Variants in GRIP1 observed in about 807,000 individuals in gnomAD.
The protein encoded by GRIP1 is glutamate receptor-interacting protein 1.
In GRIP1, 45 loss-of-function variants were observed where a neutral mutation model predicts 129.9. That is an observed-to-expected ratio of 0.35 (90% CI 0.27 to 0.44). The LOEUF is 0.44. Ranked by LOEUF, GRIP1 falls within the 20% of genes least tolerant of loss-of-function variation. GRIP1 has a pLI of 1.00. For synonymous variants in GRIP1, 530 were observed against 520.8 expected (o/e 1.02, Z -0.24); for missense variants, 1,196 against 1,396.8 (o/e 0.86, Z 2.29).
intron 16 of GRIP1, among the ~76,000 whole-genome samples, chr12:66,400,664 T>C (rs2056954495): frequency 6.6e-6 from 1 of 152,212 alleles, no homozygotes; most frequent in African/African-American, 2.4e-5. Flanking sequence ...TATTGATTTA[T>C]GGTCTCCAAA....
At chr12:66,621,888 T>A (rs989046527) in intron 1 of GRIP1, among the ~76,000 whole-genome samples, 2 of 152,158 alleles carry the variant, frequency 1.3e-5, no homozygotes, top group African/African-American at 4.8e-5. Context: ...CATTTGTGTA[T>A]CTTCTTTCGA....
chr12:67,049,973 T>C (rs2043316164), intron 1 of GRIP1, among the ~76,000 whole-genome samples: 1 of 149,244 alleles, frequency 6.7e-6, no homozygotes. Flanking sequence ...TGAATTTCTT[T>C]TTTTTTTTTT....
intron 1 of GRIP1, among the ~76,000 whole-genome samples, chr12:66,914,695 G>A (rs1287641935): frequency 2.6e-5 from 4 of 152,196 alleles, no homozygotes; most frequent in Admixed American, 6.5e-5. Flanking sequence ...CTGGTGAGGG[G>A]TTTGGTGGTT....
intron 14 of GRIP1, among the ~76,000 whole-genome samples, chr12:66,422,341 T>C (rs2057832714): frequency 6.6e-6 from 1 of 152,212 alleles, no homozygotes; most frequent in Non-Finnish European, 1.5e-5. Context: ...CTACAATTAA[T>C]TCATAATTTA....
intron 1 of GRIP1, among the ~76,000 whole-genome samples, chr12:66,731,327 T>C (rs1330766693): frequency 2.0e-5 from 3 of 152,196 alleles, no homozygotes; most frequent in African/African-American, 7.2e-5. Flanking sequence ...TGAGAAGAGA[T>C]ATTAAATTGT....
At chr12:66,408,246 A>T (rs2057266881) in intron 15 of GRIP1, among the ~76,000 whole-genome samples, 1 of 152,154 alleles carries the variant, frequency 6.6e-6, no homozygotes, top group African/African-American at 2.4e-5. Flanking sequence ...TGGGAGGCCG[A>T]GGTGGGTGGA....
intron 4 of GRIP1, among the ~76,000 whole-genome samples, chr12:66,534,149 A>G (rs943126660): frequency 1.8e-4 from 27 of 152,204 alleles, no homozygotes; most frequent in African/African-American, 6.3e-4. Context: ...GTAGAAAGAG[A>G]CAGATTATTC....
At chr12:66,560,223 G>A (rs192073615) in intron 2 of GRIP1, among the ~76,000 whole-genome samples, 45 of 152,058 alleles carry the variant, frequency 3.0e-4, no homozygotes, top group African/African-American at 1.1e-3. Flanking sequence ...GTACAATAAG[G>A]AAACATCAAG....
intron 1 of GRIP1, among the ~76,000 whole-genome samples, chr12:66,994,443 TAA>T (rs35992790): frequency 9.7e-5 from 14 of 144,104 alleles, no homozygotes; most frequent in African/African-American, 2.8e-4. Flanking sequence ...CCTTTTATGA[TAA>T]AAAAAAAAAC....
intron 1 of GRIP1, among the ~76,000 whole-genome samples, chr12:67,020,548 A>C (rs922134973): frequency 1.2e-4 from 18 of 151,926 alleles, no homozygotes; most frequent in African/African-American, 3.9e-4. Context: ...GCTGGGACTA[A>C]AGGTACAGGT....
rs543197100 is a variant in GRIP1 at position 66,830,877 on chromosome 12, A to G, written c.59-233950T>C. On this transcript the variant is annotated intron_variant, in intron 1 of 1. Transcript: ENST00000643019. ...TTTTGATTTTGTGAGACAGGGTCTC[A>G]CTCTCTCACCCCAGGTTGGAGTACA... Among the ~76,000 whole-genome samples, 17 of 144,200 alleles carry G rather than the reference A, an allele frequency of 1.2e-4. 1 individual carries two copies. In the South Asian group the frequency reaches 3.7e-3, roughly 32 times the overall value. The allele number at this position is 144,200 out of a possible 152,430, so 94.6% of individuals were successfully genotyped here.
intron 8 of GRIP1, among the ~76,000 whole-genome samples, chr12:66,464,954 C>CTTTCT (rs1555189241): frequency 2.1e-5 from 2 of 93,636 alleles, no homozygotes; most frequent in East Asian, 2.1e-4. Flanking sequence ...TTCTTTCTTT[C>CTTTCT]TTTTTTTTTT....
At chr12:66,685,136 A>G (rs2034734285) in intron 1 of GRIP1, among the ~76,000 whole-genome samples, 1 of 152,116 alleles carries the variant, frequency 6.6e-6, no homozygotes, top group Non-Finnish European at 1.5e-5. Context: ...GTTTTCTCCT[A>G]CAGACCTTTA....
At chr12:66,804,923 C>T (rs904359811), upstream of GRIP1, among the ~76,000 whole-genome samples, 1 of 152,122 alleles carries the variant, frequency 6.6e-6, no homozygotes, top group Non-Finnish European at 1.5e-5. Context: ...AGGGAGAAGG[C>T]TCAGCAGCTG....
chr12:66,992,551 C>A (rs1210479443), intron 1 of GRIP1, among the ~76,000 whole-genome samples: 2 of 152,052 alleles, frequency 1.3e-5, no homozygotes, highest in Non-Finnish European at 2.9e-5. Flanking sequence ...CATGTGCTAT[C>A]AACTAACTAG....
At chr12:66,669,912 T>C (rs748725282) in intron 1 of GRIP1, among the ~76,000 whole-genome samples, 1 of 152,236 alleles carries the variant, frequency 6.6e-6, no homozygotes, top group Non-Finnish European at 1.5e-5. Context: ...CCTCCGTTTT[T>C]AATATCATTT....
chr12:66,985,589 T>C (rs1026742050), intron 1 of GRIP1, among the ~76,000 whole-genome samples: 1 of 152,176 alleles, frequency 6.6e-6, no homozygotes, highest in Non-Finnish European at 1.5e-5. Context: ...AATTTGAAGC[T>C]AAATCACCCT....
chr12:66,741,220 G>T (rs2036778192), intron 1 of GRIP1, among the ~76,000 whole-genome samples: 1 of 152,104 alleles, frequency 6.6e-6, no homozygotes, highest in East Asian at 1.9e-4. Context: ...ATCAACATTT[G>T]ATAGCAGTTC....
intron 1 of GRIP1, among the ~76,000 whole-genome samples, chr12:66,610,955 C>A (rs769455016): frequency 2.0e-4 from 31 of 152,284 alleles, no homozygotes; most frequent in Non-Finnish European, 2.6e-4. Context: ...TAAGCACAGC[C>A]TGCCTTCACA....
Sources: allele counts gnomAD v4.1 joint callset (sites outside exome capture counted in the v4.1 genomes callset), GRCh38; gene constraint gnomAD v4.1.1; transcripts MANE v1.5; gene names NCBI Gene and HGNC (gene_info 2026-07-23, HGNC 2026-07-21).